LRP2BP: variants seen among roughly 807,000 people sequenced by gnomAD.
LRP2BP encodes LRP2 binding protein, also known as LRP2-binding protein.
Under a neutral mutation model 45.2 loss-of-function variants are expected in LRP2BP, and 38 were observed. That is an observed-to-expected ratio of 0.84 (90% CI 0.65 to 1.10). The LOEUF is 1.10. LRP2BP is among the 50% of genes least tolerant of loss of function. LRP2BP has a pLI of 0.00. For synonymous variants in LRP2BP, 153 were observed against 153.9 expected (o/e 0.99, Z 0.04); for missense variants, 385 against 418.9 (o/e 0.92, Z 0.71).
intron 1 of LRP2BP, among the ~76,000 whole-genome samples, chr4:185,385,933 T>A (rs570580919): frequency 1.5e-4 from 22 of 146,954 alleles, no homozygotes; most frequent in Non-Finnish European, 2.8e-4. Flanking sequence ...AGAAATAACA[T>A]CATCTTATAC....
In LRP2BP at chr4:185,366,060, T is replaced by C. The variant is rs2095387090; in HGVS notation, c.*1120A>G. ...GTTGGGATGGTTGTGATTTATAAAATAAAGCCACATCCTTTAATATGTTTA... is the reference window on the plus strand; with the variant it reads ...GTTGGGATGGTTGTGATTTATAAAACAAAGCCACATCCTTTAATATGTTTA... On this transcript the variant is annotated 3_prime_UTR_variant, in exon 9 of 9. Transcript: ENST00000505916. The C allele has an allele frequency of 6.6e-6, 1 of 152,216 alleles. No homozygotes were observed. The allele number at this position is 152,216 out of a possible 1,614,324, so 9.4% of individuals were successfully genotyped here.
chr4:185,372,831 G>T (rs776742885), intron 7 of LRP2BP, 25 bp downstream of exon 7: 2 of 1,523,976 alleles, frequency 1.3e-6, no homozygotes, highest in East Asian at 4.5e-5. Flanking sequence ...TGTTACAGCA[G>T]CACAGAACAG....
intron 1 of LRP2BP, among the ~76,000 whole-genome samples, chr4:185,392,987 G>A (rs1490585515): frequency 3.3e-5 from 5 of 152,240 alleles, no homozygotes; most frequent in Non-Finnish European, 7.3e-5. Context: ...AGGCTGGAGT[G>A]CAGTGGCACG....
At position 185,395,668 on chromosome 4, in the gene LRP2BP, G is replaced by A. The variant is rs2095500141; in HGVS notation, c.-911C>T. ...TTAAAACTACCCCTTGGGTAACTAA[G>A]TATAACAACATAAACTTGCGATTGC... On this transcript the variant is annotated 5_prime_UTR_variant, in exon 1 of 9. Coordinates refer to ENST00000505916, the MANE Select transcript of LRP2BP (RefSeq NM_001377440.1). 1.0e-5 allele frequency: 10 copies of A among 984,574 alleles called. No individual in the cohort carries two copies. Among genetic ancestry groups the A allele is most frequent in the Non-Finnish European group, 1.1e-5 (9 of 829,312 alleles). 61.0% of individuals were successfully genotyped at this position (984,574 alleles called of 1,614,324 possible). A position where few individuals can be genotyped will look rare whatever the true frequency, so the allele number is the denominator to read the frequency against.
intron 1 of LRP2BP, among the ~76,000 whole-genome samples, chr4:185,379,592 A>G (rs2095449244): frequency 6.6e-6 from 1 of 152,236 alleles, no homozygotes. Flanking sequence ...AACTAAATCA[A>G]AGATTTACTG....
chr4:185,370,945 CT>C (rs2095412693), intron 7 of LRP2BP, 131 bp from the exon 8 acceptor site: 3 of 996,948 alleles, frequency 3.0e-6, no homozygotes, highest in Middle Eastern at 2.9e-4. Flanking sequence ...AAGTTGTTTG[CT>C]GTGTGGGGAA....
intron 7 of LRP2BP, 172 bp from the exon 8 acceptor site, chr4:185,370,986 A>C (rs1369169000): frequency 5.1e-6 from 3 of 592,724 alleles, no homozygotes; most frequent in Admixed American, 3.0e-5. Context: ...ATACCAGGAG[A>C]AGATGAGCTT....
At position 185,374,340 on chromosome 4, in the gene LRP2BP, C is replaced by T. The variant is rs765318312; in HGVS notation, c.452G>A (p.Arg151Gln). ...TTACCTTTCAGCTTCCTCATTTGATCGTTTAACACCTTTTCCTTCATAATA... is the reference window on the plus strand; with the variant it reads ...TTACCTTTCAGCTTCCTCATTTGATTGTTTAACACCTTTTCCTTCATAATA... Reference protein sequence around the residue: ...RAYYEGKGVKRSNEEAERLWL... With the variant: ...RAYYEGKGVKQSNEEAERLWL... Residue 151 changes from arginine to glutamine, a missense_variant, in exon 5 of 9, where the codon CGA (arginine) becomes CAA (glutamine). By Grantham distance (43) the Arg-to-Gln change is conservative. Coordinates refer to ENST00000505916, the MANE Select transcript of LRP2BP (RefSeq NM_001377440.1). 10 of 1,613,904 alleles carry T rather than the reference C, an allele frequency of 6.2e-6. No homozygotes were observed. Among genetic ancestry groups the T allele is most frequent in the South Asian group, 3.3e-5 (3 of 91,054 alleles).
At chr4:185,392,901 T>C (rs2095491952) in intron 1 of LRP2BP, among the ~76,000 whole-genome samples, 1 of 152,178 alleles carries the variant, frequency 6.6e-6, no homozygotes, top group Admixed American at 6.5e-5. Flanking sequence ...ATTTAAAAAA[T>C]ACATGTGAAA....
intron 4 of LRP2BP, among the ~76,000 whole-genome samples, chr4:185,375,317 C>T (rs2095429487): frequency 6.8e-6 from 1 of 147,732 alleles, no homozygotes; most frequent in Non-Finnish European, 1.5e-5. Context: ...ATTAGCCAGG[C>T]GTGGTGGCAG....
chr4:185,374,092 TAATC>T (rs2095425143), intron 6 of LRP2BP, 39 bp downstream of exon 6: 1 of 1,497,314 alleles, frequency 6.7e-7, no homozygotes. Context: ...AAACAAATAT[TAATC>T]TAAATATAAC....
upstream of LRP2BP, chr4:185,396,999 C>T (rs1580033258): frequency 1.9e-6 from 3 of 1,612,098 alleles, no homozygotes; most frequent in Non-Finnish European, 2.5e-6. Flanking sequence ...CAGGCTCAAG[C>T]TTCTAGATTC....
Position 185,367,200 on chromosome 4 carries a change from G to A in LRP2BP, c.1024C>T (p.Leu342Phe), listed in dbSNP as rs563338529. 6.2e-7 allele frequency: 1 copy of A among 1,613,094 alleles called. No homozygotes were observed. The highest frequency in any genetic ancestry group is 2.2e-5 in the East Asian group (1 of 44,842). ...PALADELHSLLIRQRI is the reference protein window; with the variant it reads ...PALADELHSLFIRQRI ...GTGGTCTAAATTCTTTGACGAATAA[G>A]TAAGGAGTGAAGTTCATCTGCCAAT... The change falls in exon 9 of 9, where the codon CTT becomes TTT. Residue 342 changes from leucine (L) to phenylalanine (F), a missense_variant. Transcript: ENST00000505916.
At position 185,390,801 on chromosome 4, in the gene LRP2BP, G is replaced by A. The variant is rs138987534; in HGVS notation, c.-22+3978C>T. The A allele has an allele frequency of 2.0e-5, 3 of 152,280 alleles. No individual in the cohort carries two copies. The East Asian group carries it at 5.8e-4, about 29-fold the overall frequency. The allele number at this position is 152,280 out of a possible 1,614,324, so 9.4% of individuals were successfully genotyped here. A position where few individuals can be genotyped will look rare whatever the true frequency, so the allele number is the denominator to read the frequency against. On this transcript the variant is annotated intron_variant, in intron 1 of 8. Transcript: ENST00000505916. Reference sequence around the variant, plus strand: ...GTGGCCTCAATTCCTCTTTTTTGAAGTACACTTTATGTTTTACAATAATTT... The same window carrying A: ...GTGGCCTCAATTCCTCTTTTTTGAAATACACTTTATGTTTTACAATAATTT...
Position 185,388,564 on chromosome 4 carries a change from G to A in LRP2BP, c.-22+6215C>T, listed in dbSNP as rs1238843957. On this transcript the variant is annotated intron_variant, in intron 1 of 8. Coordinates refer to ENST00000505916, the MANE Select transcript of LRP2BP (RefSeq NM_001377440.1). ...TAGGACTTCTAGTAAACACAGGTTC[G>A]GTAAGAATAAACCTTAAGCTTTTTC... 4.3e-5 allele frequency among the ~76,000 whole-genome samples: 6 copies of A among 139,520 alleles called. No individual in the cohort carries two copies. The East Asian group carries it at 8.7e-4, about 20-fold the overall frequency. 91.5% of individuals were successfully genotyped at this position (139,520 alleles called of 152,430 possible).
chr4:185,385,217 T>C (rs1329318754), intron 1 of LRP2BP, among the ~76,000 whole-genome samples: 2 of 152,180 alleles, frequency 1.3e-5, no homozygotes, highest in Non-Finnish European at 1.5e-5. Context: ...CTATTTGTTC[T>C]GTTCCCAATG....
In LRP2BP at chr4:185,374,598, A is replaced by C. The variant is rs1461688665; in HGVS notation, c.331-137T>G. ...TATGAATCTGTGCCCAAGGGGTACA[A>C]TTGTCCTGGATTCTGCAGGGCAAGC... On this transcript the variant is annotated intron_variant, in intron 4 of 8. Coordinates refer to ENST00000505916, the MANE Select transcript of LRP2BP (RefSeq NM_001377440.1). The C allele has an allele frequency of 6.8e-6, 6 of 882,586 alleles. No individual in the cohort carries two copies. The Admixed American group carries it at 1.7e-4, about 25-fold the overall frequency. 54.7% of individuals were successfully genotyped at this position (882,586 alleles called of 1,614,324 possible).
upstream of LRP2BP, chr4:185,396,001 C>A (rs554839993): frequency 1.3e-6 from 1 of 749,224 alleles, no homozygotes; most frequent in African/African-American, 1.9e-5. Flanking sequence ...GCACGCCCGA[C>A]AGCACCCGCG....
upstream of LRP2BP, chr4:185,396,921 G>C: frequency 1.9e-6 from 3 of 1,613,566 alleles, no homozygotes; most frequent in Non-Finnish European, 2.5e-6. Context: ...CCTTAGGCGG[G>C]AAATGCTGTT....
Sources: allele counts gnomAD v4.1 joint callset (sites outside exome capture counted in the v4.1 genomes callset), GRCh38; gene constraint gnomAD v4.1.1; transcripts MANE v1.5; gene names NCBI Gene and HGNC (gene_info 2026-07-23, HGNC 2026-07-21).